CEP128: variants seen among roughly 807,000 people sequenced by gnomAD.
CEP128 encodes centrosomal protein 128kDa.
CEP128 carries 132 observed loss-of-function variants against 156.7 expected under a neutral mutation model. The ratio of observed to expected loss-of-function variants is 0.84; its 90% confidence interval spans 0.73 to 0.97. CEP128 has a LOEUF of 0.97. CEP128 is among the 50% of genes least tolerant of loss of function. CEP128 has a pLI of 0.00. For missense variants in CEP128, 1,252 were observed against 1,281.9 expected, an observed-to-expected ratio of 0.98 and a Z score of 0.36; for synonymous variants, 469 against 448.9, an observed-to-expected ratio of 1.04 and a Z score of -0.57.
intron 8 of CEP128, among the ~76,000 whole-genome samples, chr14:80,892,162 T>C (rs550988392): frequency 6.6e-6 from 1 of 151,762 alleles, no homozygotes; most frequent in South Asian, 2.1e-4. Flanking sequence ...TAAAATTATA[T>C]AACAAAGCTA....
At chr14:80,688,295 G>C (rs1313958420) in intron 19 of CEP128, among the ~76,000 whole-genome samples, 1 of 152,100 alleles carries the variant, frequency 6.6e-6, no homozygotes, top group Admixed American at 6.6e-5. Context: ...CAATTATGCT[G>C]ACTGGTTTTT....
intron 8 of CEP128, among the ~76,000 whole-genome samples, chr14:80,863,771 G>A (rs558069821): frequency 6.6e-6 from 1 of 152,232 alleles, no homozygotes; most frequent in East Asian, 1.9e-4. Flanking sequence ...TTGGGGTCGT[G>A]TAAATGTTCT....
intron 2 of CEP128, among the ~76,000 whole-genome samples, chr14:80,925,909 C>T (rs540449244): frequency 2.0e-5 from 3 of 152,224 alleles, no homozygotes; most frequent in African/African-American, 2.4e-5. Flanking sequence ...CCCTACCTAG[C>T]GCTGGTGCTA....
intron 16 of CEP128, among the ~76,000 whole-genome samples, chr14:80,765,557 T>C (rs149240081): frequency 7.4e-4 from 113 of 152,284 alleles, no homozygotes; most frequent in African/African-American, 2.5e-3. Context: ...TAGAGAATGA[T>C]TCAAAATATG....
At chr14:80,634,033 C>T (rs1894077034) in intron 19 of CEP128, among the ~76,000 whole-genome samples, 1 of 152,140 alleles carries the variant, frequency 6.6e-6, no homozygotes, top group South Asian at 2.1e-4. Flanking sequence ...TTTCCCACGA[C>T]TGGAAAGCCA....
intron 19 of CEP128, among the ~76,000 whole-genome samples, chr14:80,740,147 C>T (rs1336754507): frequency 6.6e-6 from 1 of 151,792 alleles, no homozygotes; most frequent in Non-Finnish European, 1.5e-5. Flanking sequence ...ATTAACTGTG[C>T]TCCTTTAGTG....
At chr14:80,579,817 A>C (rs1364679052) in intron 20 of CEP128, among the ~76,000 whole-genome samples, 7 of 152,218 alleles carry the variant, frequency 4.6e-5, no homozygotes, top group Admixed American at 4.6e-4. Flanking sequence ...AACTTCTGTC[A>C]GATGCCAACT....
Position 80,617,217 on chromosome 14 carries a change from A to ACCTTTTTTTTTTT in CEP128, c.2807-36795_2807-36794insAAAAAAAAAAAGG, listed in dbSNP as rs1491470595. Among the ~76,000 whole-genome samples the ACCTTTTTTTTTTT allele has an allele frequency of 9.3e-5, 4 of 43,138 alleles. 1 individual carries two copies. Among genetic ancestry groups the ACCTTTTTTTTTTT allele is most frequent in the Admixed American group, 3.2e-4 (1 of 3,136 alleles). 28.3% of individuals were successfully genotyped at this position (43,138 alleles called of 152,430 possible). A position where few individuals can be genotyped will look rare whatever the true frequency, so the allele number is the denominator to read the frequency against. ...AAATCACTTAACCTATGTGAATATC[A>ACCTTTTTTTTTTT]TCTTTTTTTTTTTTTTTTTTTTTTT... is the stretch of plus-strand genomic sequence containing the variant. On this transcript the variant is annotated intron_variant, in intron 19 of 24. Coordinates refer to ENST00000555265, the MANE Select transcript of CEP128 (RefSeq NM_152446.5).
intron 19 of CEP128, among the ~76,000 whole-genome samples, chr14:80,668,180 C>T (rs2140919024): frequency 6.6e-6 from 1 of 152,202 alleles, no homozygotes; most frequent in South Asian, 2.1e-4. Flanking sequence ...AACAAAGGCA[C>T]AGTCAAGTTA....
chr14:80,756,031 T>C (rs748979198), intron 18 of CEP128, among the ~76,000 whole-genome samples: 5 of 152,164 alleles, frequency 3.3e-5, no homozygotes, highest in Non-Finnish European at 5.9e-5. Context: ...TGTTCAGAAA[T>C]GATAAAGATT....
At chr14:80,715,280 A>C (rs900775695) in intron 19 of CEP128, among the ~76,000 whole-genome samples, 1 of 152,206 alleles carries the variant, frequency 6.6e-6, no homozygotes, top group Non-Finnish European at 1.5e-5. Flanking sequence ...GTTTACAATG[A>C]ATCTTTAGTC....
intron 14 of CEP128, among the ~76,000 whole-genome samples, chr14:80,483,865 G>A (rs562899450): frequency 2.6e-5 from 4 of 152,266 alleles, no homozygotes; most frequent in Non-Finnish European, 4.4e-5. Context: ...TATGTCTGGC[G>A]ATTTTCTATG....
intron 13 of CEP128, among the ~76,000 whole-genome samples, chr14:80,807,330 TA>T (rs1263648222): frequency 6.6e-6 from 1 of 152,194 alleles, no homozygotes; most frequent in Non-Finnish European, 1.5e-5. Flanking sequence ...AATTAACTAT[TA>T]AAGTTAAAAA....
chr14:80,531,671 T>C (rs372867981), intron 21 of CEP128, among the ~76,000 whole-genome samples: 36 of 152,296 alleles, frequency 2.4e-4, no homozygotes, highest in African/African-American at 8.7e-4. Flanking sequence ...GCTCTTAAAT[T>C]TAAAATGGAT....
chr14:80,624,476 T>G (rs1340036447), intron 19 of CEP128, among the ~76,000 whole-genome samples: 2 of 152,142 alleles, frequency 1.3e-5, no homozygotes, highest in Non-Finnish European at 1.5e-5. Flanking sequence ...GGTAGTTCAA[T>G]TTTTAGTTTT....
intron 19 of CEP128, among the ~76,000 whole-genome samples, chr14:80,669,659 A>T (rs1044315222): frequency 2.0e-5 from 3 of 152,226 alleles, no homozygotes; most frequent in Non-Finnish European, 4.4e-5. Flanking sequence ...AAAAGTCAAA[A>T]AATAGCAATG....
At position 80,632,185 on chromosome 14, in the gene CEP128, T is replaced by A. The variant is rs144748409; in HGVS notation, c.2807-51762A>T. Among the ~76,000 whole-genome samples, 190 of 152,142 alleles carry A rather than the reference T, an allele frequency of 1.2e-3. 4 individuals are homozygous for A. In the Middle Eastern group the frequency reaches 0.021, roughly 17 times the overall value. On this transcript the variant is annotated intron_variant, in intron 19 of 24. Coordinates refer to ENST00000555265, the MANE Select transcript of CEP128 (RefSeq NM_152446.5). The stretch of plus-strand genomic sequence containing the variant: ...AAATACTATGACAACTATCCTTCAG[T>A]ATTTTTCTTTTTAGTTTTCTATGTA...
At chr14:80,553,862 A>G (rs762773605) in intron 21 of CEP128, among the ~76,000 whole-genome samples, 7 of 152,204 alleles carry the variant, frequency 4.6e-5, no homozygotes, top group Non-Finnish European at 8.8e-5. Context: ...ATTTGCAAAT[A>G]TCAATTTTAC....
At chr14:80,923,826 C>G (rs1254826782) in intron 2 of CEP128, among the ~76,000 whole-genome samples, 1 of 152,164 alleles carries the variant, frequency 6.6e-6, no homozygotes, top group Non-Finnish European at 1.5e-5. Context: ...TCCCCATAAT[C>G]CCCATGCATT....
Sources: allele counts gnomAD v4.1 joint callset (sites outside exome capture counted in the v4.1 genomes callset), GRCh38; gene constraint gnomAD v4.1.1; transcripts MANE v1.5; gene names NCBI Gene and HGNC (gene_info 2026-07-23, HGNC 2026-07-21).